MELK: variants seen among roughly 807,000 people sequenced by gnomAD.
MELK encodes maternal embryonic leucine zipper kinase, also known as pEg3 kinase.
Under a neutral mutation model 85.0 loss-of-function variants are expected in MELK, and 81 were observed. That is an observed-to-expected ratio of 0.95 (90% confidence interval 0.80 to 1.15). The LOEUF (loss-of-function observed/expected upper bound fraction) is 1.15, where lower values mean the gene tolerates loss of function less well. Ranked by LOEUF, MELK falls within the 50% of genes most tolerant of loss-of-function variation. The pLI is 0.00. For missense variants in MELK, 754 were observed against 777.5 expected (o/e 0.97, Z 0.36); for synonymous variants, 252 against 265.0 (o/e 0.95, Z 0.48).
chr9:36,605,726 A>G, intron 7 of MELK, among the ~76,000 whole-genome samples: 1 of 151,756 alleles, frequency 6.6e-6, no homozygotes, highest in East Asian at 1.9e-4. Flanking sequence ...ACTAGGGGTT[A>G]GATTTGGCTT....
chr9:36,599,355 C>A, intron 6 of MELK, 39 bp from the exon 7 acceptor site: 1 of 1,048,526 alleles, frequency 9.5e-7, no homozygotes, highest in Non-Finnish European at 1.4e-6. Flanking sequence ...TTCTCTTAAG[C>A]GTTGTAATTA....
chr9:36,665,727 T>C, intron 14 of MELK, 146 bp downstream of exon 14: 2 of 588,222 alleles, frequency 3.4e-6, no homozygotes, highest in Non-Finnish European at 5.8e-6. Context: ...TTTGCATTAG[T>C]TAAAATGAAA....
At chr9:36,581,791 A>G (rs1252081861) in intron 2 of MELK, 52 bp downstream of exon 2, 5 of 1,446,234 alleles carry the variant, frequency 3.5e-6, no homozygotes, top group Non-Finnish European at 4.8e-6. Flanking sequence ...ATTTGAGAGT[A>G]TAGATTATTT....
At chr9:36,584,628 C>T (rs924887591) in intron 3 of MELK, among the ~76,000 whole-genome samples, 2 of 151,778 alleles carry the variant, frequency 1.3e-5, no homozygotes, top group East Asian at 1.9e-4. Context: ...GCACCGCGCC[C>T]GGCCCCATCT....
intron 14 of MELK, among the ~76,000 whole-genome samples, chr9:36,667,779 T>C (rs1248164528): frequency 6.6e-6 from 1 of 152,166 alleles, no homozygotes; most frequent in Non-Finnish European, 1.5e-5. Context: ...TTTTCTTCTT[T>C]TTTTTGAGAC....
chr9:36,615,599 G>A (rs1248554988), intron 8 of MELK, among the ~76,000 whole-genome samples: 4 of 132,052 alleles, frequency 3.0e-5, no homozygotes, highest in African/African-American at 7.3e-5. Flanking sequence ...CTTCTCAGAC[G>A]GGGTGGTTGC....
At chr9:36,633,676 AAC>A (rs372617029) in intron 10 of MELK, among the ~76,000 whole-genome samples, 433 of 152,352 alleles carry the variant, frequency 2.8e-3, no homozygotes, top group Middle Eastern at 0.017. Flanking sequence ...ATTGCATATT[AAC>A]ACAAATATTT....
At chr9:36,608,772 G>A (rs1032349023) in intron 8 of MELK, among the ~76,000 whole-genome samples, 2 of 151,934 alleles carry the variant, frequency 1.3e-5, no homozygotes, top group Non-Finnish European at 2.9e-5. Context: ...TAGTAGAGTC[G>A]GGGTTTCTCC....
intron 11 of MELK, among the ~76,000 whole-genome samples, chr9:36,649,639 T>C (rs1830515978): frequency 6.6e-6 from 1 of 151,652 alleles, no homozygotes; most frequent in South Asian, 2.1e-4. Context: ...CGTGGTGGCA[T>C]GTGCCTGTAA....
intron 12 of MELK, among the ~76,000 whole-genome samples, chr9:36,655,099 T>C (rs1026477031): frequency 6.6e-6 from 1 of 152,192 alleles, no homozygotes; most frequent in Non-Finnish European, 1.5e-5. Flanking sequence ...TCATCATCAG[T>C]GTCATTAGCA....
At chr9:36,617,894 GT>G in intron 8 of MELK, among the ~76,000 whole-genome samples, 1 of 152,266 alleles carries the variant, frequency 6.6e-6, no homozygotes, top group Admixed American at 6.5e-5. Flanking sequence ...GGGGGGCTGA[GT>G]TAGGGACATG....
intron 17 of MELK, among the ~76,000 whole-genome samples, chr9:36,676,149 G>T (rs890727260): frequency 6.6e-6 from 1 of 151,856 alleles, no homozygotes; most frequent in Non-Finnish European, 1.5e-5. Flanking sequence ...GCTCCTTTTG[G>T]CATTTTTGAT....
intron 8 of MELK, chr9:36,630,026 G>A: frequency 3.7e-6 from 1 of 272,798 alleles, no homozygotes; most frequent in Non-Finnish European, 7.0e-6. Flanking sequence ...TGTATTTTTA[G>A]TAGAGACAGT....
At chr9:36,608,872 C>T (rs907547913) in intron 8 of MELK, among the ~76,000 whole-genome samples, 8 of 152,204 alleles carry the variant, frequency 5.3e-5, no homozygotes, top group South Asian at 2.1e-4. Context: ...CATGAGCCAC[C>T]GCACCCGGCC....
chr9:36,635,167 G>C (rs1458974111), intron 10 of MELK, among the ~76,000 whole-genome samples: 2 of 151,910 alleles, frequency 1.3e-5, no homozygotes, highest in Middle Eastern at 3.2e-3. Flanking sequence ...GCTTCTTTTC[G>C]AACTATGGGT....
At chr9:36,612,271 GT>G (rs1000177030) in intron 8 of MELK, among the ~76,000 whole-genome samples, 2 of 151,944 alleles carry the variant, frequency 1.3e-5, no homozygotes, top group Non-Finnish European at 2.9e-5. Context: ...AATTTTTGTA[GT>G]TTTAGTAGGG....
At position 36,633,102 on chromosome 9, in the gene MELK, G is replaced by A. The variant is rs751443564; in HGVS notation, c.736G>A (p.Val246Met). The A allele has an allele frequency of 6.2e-7, 1 of 1,605,238 alleles. No individual in the cohort carries two copies. The highest frequency in any genetic ancestry group is 8.5e-7 in the Non-Finnish European group (1 of 1,176,108). The stretch of plus-strand genomic sequence containing the variant: ...CTAGCTACTTTTTAATGGCCACTAG[G>A]TGGACCCAAAGAAACGGATTTCTAT... ...SILLLQQMLQ[V>M]DPKKRISMKN... Residue 246 changes from valine (V) to methionine (M), a missense_variant and splice_region_variant, in exon 10 of 18, where the codon GTG (valine) becomes ATG (methionine). By Grantham distance (21) the Val-to-Met change is conservative (BLOSUM62 1). Coordinates refer to ENST00000298048, the MANE Select transcript of MELK (RefSeq NM_014791.4).
intron 7 of MELK, among the ~76,000 whole-genome samples, chr9:36,606,498 TA>T (rs1429987412): frequency 7.6e-6 from 1 of 132,344 alleles, no homozygotes; most frequent in African/African-American, 2.8e-5. Flanking sequence ...GGTGTGTATA[TA>T]ATAAATACAT....
chr9:36,641,602 A>ATTT (rs59380521), intron 10 of MELK, among the ~76,000 whole-genome samples: 2,359 of 126,544 alleles, frequency 0.019, 70 homozygotes, highest in African/African-American at 0.065. Context: ...ATAAAGAGAG[A>ATTT]TTTTTTTTTT....
Sources: allele counts gnomAD v4.1 joint callset (sites outside exome capture counted in the v4.1 genomes callset), GRCh38; gene constraint gnomAD v4.1.1; transcripts MANE v1.5; gene names NCBI Gene and HGNC (gene_info 2026-07-23, HGNC 2026-07-21).